The following STXBP5L variants were observed in gnomAD, a reference collection of about 807,000 sequenced individuals.
STXBP5L encodes the protein syntaxin binding protein 5L.
In STXBP5L, 65 loss-of-function variants were observed where a neutral mutation model predicts 144.5. That is an observed-to-expected ratio of 0.45 (90% CI 0.37 to 0.55). STXBP5L has a LOEUF of 0.55. STXBP5L is among the 20% of genes least tolerant of loss of function. The pLI is 0.00. For missense variants in STXBP5L, 1,298 were observed against 1,405.5 expected (o/e 0.92, Z 1.22); for synonymous variants, 505 against 469.6 (o/e 1.08, Z -0.97).
chr3:121,322,283 A>G (rs374148925), intron 20 of STXBP5L, among the ~76,000 whole-genome samples: 37 of 152,154 alleles, frequency 2.4e-4, no homozygotes, highest in African/African-American at 8.9e-4. Flanking sequence ...GTTTGAGACC[A>G]GCCTAACCAA....
At chr3:121,306,940 G>A (rs2108504078) in intron 19 of STXBP5L, among the ~76,000 whole-genome samples, 1 of 152,242 alleles carries the variant, frequency 6.6e-6, no homozygotes, top group African/African-American at 2.4e-5. Flanking sequence ...CTGTGATTTG[G>A]CAGTGTAACA....
At chr3:121,165,966 G>A (rs2046484051) in intron 9 of STXBP5L, among the ~76,000 whole-genome samples, 1 of 3,156 alleles carries the variant, frequency 3.2e-4, no homozygotes, top group Non-Finnish European at 5.7e-4. Context: ...TATCGCCCCT[G>A]TTCCATTCTA....
intron 5 of STXBP5L, among the ~76,000 whole-genome samples, chr3:121,051,328 A>G (rs1052258398): frequency 4.6e-5 from 7 of 152,184 alleles, no homozygotes; most frequent in African/African-American, 1.7e-4. Flanking sequence ...TTGACCACAT[A>G]GTTGGAAGTA....
At chr3:120,987,876 T>G (rs1178935029) in intron 3 of STXBP5L, among the ~76,000 whole-genome samples, 1 of 151,924 alleles carries the variant, frequency 6.6e-6, no homozygotes, top group African/African-American at 2.4e-5. Context: ...CAAATTCTTG[T>G]TAATTCTTTG....
intron 3 of STXBP5L, among the ~76,000 whole-genome samples, chr3:121,010,572 T>A (rs1053453584): frequency 1.3e-5 from 2 of 151,534 alleles, no homozygotes; most frequent in Non-Finnish European, 2.9e-5. Flanking sequence ...ACACGGGGGT[T>A]AGGGGAACTG....
At chr3:121,089,912 T>G (rs1414493826) in intron 5 of STXBP5L, among the ~76,000 whole-genome samples, 1 of 152,116 alleles carries the variant, frequency 6.6e-6, no homozygotes, top group Non-Finnish European at 1.5e-5. Context: ...AGTAGTAAAA[T>G]TTGTAATTGG....
At chr3:121,229,900 AT>A (rs1274368068) in intron 11 of STXBP5L, among the ~76,000 whole-genome samples, 1 of 152,076 alleles carries the variant, frequency 6.6e-6, no homozygotes, top group Non-Finnish European at 1.5e-5. Context: ...CCTATAACAT[AT>A]TTTTATGCAT....
At chr3:121,392,091 ACTCAAG>A (rs2108708670) in intron 22 of STXBP5L, among the ~76,000 whole-genome samples, 1 of 152,022 alleles carries the variant, frequency 6.6e-6, no homozygotes, top group Non-Finnish European at 1.5e-5. Flanking sequence ...TTGTTTACCT[ACTCAAG>A]CCTCAACAAT....
At chr3:120,953,343 T>C (rs904937230) in intron 2 of STXBP5L, among the ~76,000 whole-genome samples, 1 of 149,370 alleles carries the variant, frequency 6.7e-6, no homozygotes, top group African/African-American at 2.5e-5. Context: ...TTTTTTTTTT[T>C]TTTGAGATGA....
chr3:121,126,292 G>T (rs1452811405), intron 7 of STXBP5L, among the ~76,000 whole-genome samples: 2 of 152,170 alleles, frequency 1.3e-5, no homozygotes, highest in Non-Finnish European at 1.5e-5. Context: ...GTCTGTGGCT[G>T]CTTTCTTGCT....
In STXBP5L at chr3:121,312,478, T is replaced by A. The variant is rs866332011; in HGVS notation, c.2111-5997T>A. 2.6e-3 allele frequency among the ~76,000 whole-genome samples: 236 copies of A among 89,240 alleles called. 7 individuals are homozygous for A. Among genetic ancestry groups the A allele is most frequent in the African/African-American group, 8.5e-3 (200 of 23,642 alleles). 58.5% of individuals were successfully genotyped at this position (89,240 alleles called of 152,430 possible). A position where few individuals can be genotyped will look rare whatever the true frequency, so the allele number is the denominator to read the frequency against. ...TTTTTTTTTTTTTTTTTTTTTTTTTTATTGATCATTCTTGGGTGTTTCTCG... is the reference window on the plus strand; with the variant it reads ...TTTTTTTTTTTTTTTTTTTTTTTTTAATTGATCATTCTTGGGTGTTTCTCG... On this transcript the variant is annotated intron_variant, in intron 19 of 26. Transcript: ENST00000471454.
At chr3:121,031,426 G>T (rs555914087) in intron 3 of STXBP5L, among the ~76,000 whole-genome samples, 1 of 148,976 alleles carries the variant, frequency 6.7e-6, no homozygotes, top group South Asian at 2.1e-4. Flanking sequence ...CAACTATCTA[G>T]ATTGTTTTAA....
At chr3:121,291,317 A>G (rs1477801363) in intron 19 of STXBP5L, among the ~76,000 whole-genome samples, 1 of 152,134 alleles carries the variant, frequency 6.6e-6, no homozygotes, top group Non-Finnish European at 1.5e-5. Context: ...TAAAAAAAAT[A>G]AAATAAAATA....
At chr3:120,956,766 A>G (rs1559908035) in intron 3 of STXBP5L, among the ~76,000 whole-genome samples, 1 of 151,894 alleles carries the variant, frequency 6.6e-6, no homozygotes, top group African/African-American at 2.4e-5. Flanking sequence ...TTCTCATAGC[A>G]GCTATACTGG....
At chr3:121,210,052 A>C (rs1244801647) in intron 10 of STXBP5L, among the ~76,000 whole-genome samples, 1 of 152,210 alleles carries the variant, frequency 6.6e-6, no homozygotes, top group Non-Finnish European at 1.5e-5. Flanking sequence ...TCCCACCAAC[A>C]GTGTAAAAGT....
chr3:120,963,857 CTCT>C (rs1939199612), intron 3 of STXBP5L, among the ~76,000 whole-genome samples: 1 of 152,152 alleles, frequency 6.6e-6, no homozygotes, highest in Non-Finnish European at 1.5e-5. Context: ...ATACCAGCTC[CTCT>C]TAGTACCTCT....
intron 5 of STXBP5L, among the ~76,000 whole-genome samples, chr3:121,052,187 T>A (rs1198027139): frequency 6.6e-6 from 1 of 152,160 alleles, no homozygotes; most frequent in Non-Finnish European, 1.5e-5. Flanking sequence ...TCTGAAACTA[T>A]TCCAATCAAT....
At chr3:121,070,606 T>C (rs2041766371) in intron 5 of STXBP5L, among the ~76,000 whole-genome samples, 1 of 152,184 alleles carries the variant, frequency 6.6e-6, no homozygotes, top group South Asian at 2.1e-4. Flanking sequence ...CTATTTCTTC[T>C]TGAGTGGGTA....
At chr3:121,106,144 T>C (rs2043691109) in intron 5 of STXBP5L, among the ~76,000 whole-genome samples, 1 of 152,194 alleles carries the variant, frequency 6.6e-6, no homozygotes, top group Non-Finnish European at 1.5e-5. Context: ...TATTACATTT[T>C]AGTTTTATTT....
Sources: gnomAD v4.1 joint callset for allele counts (sites outside exome capture counted in the v4.1 genomes callset) on GRCh38, gnomAD v4.1.1 for gene constraint, MANE v1.5 for transcripts, NCBI Gene and HGNC (gene_info 2026-07-23, HGNC 2026-07-21) for gene names.